Variants in PRKG1 observed in about 807,000 individuals in gnomAD.
The protein encoded by PRKG1 is protein kinase cGMP-dependent 1, also known as cGMP-dependent protein kinase 1.
Under a neutral mutation model 88.1 loss-of-function variants are expected in PRKG1, and 35 were observed. That is an observed-to-expected ratio of 0.40 (90% CI 0.30 to 0.53). The LOEUF is 0.53. PRKG1 is among the 20% of genes least tolerant of loss of function. The pLI is 0.59. For missense variants in PRKG1, 540 were observed against 839.8 expected (o/e 0.64, Z 4.41); for synonymous variants, 303 against 292.5 (o/e 1.04, Z -0.37).
At chr10:51,815,721 A>G (rs1839567596) in intron 4 of PRKG1, among the ~76,000 whole-genome samples, 1 of 152,186 alleles carries the variant, frequency 6.6e-6, no homozygotes, top group South Asian at 2.1e-4. Flanking sequence ...AAAGTTAATC[A>G]TAATTTATTT....
intron 5 of PRKG1, 68 bp downstream of exon 5, chr10:51,907,638 C>G (rs1842114887): frequency 7.3e-7 from 1 of 1,367,682 alleles, no homozygotes; most frequent in Non-Finnish European, 1.0e-6. Flanking sequence ...TCTTTCACAG[C>G]TGTGTGATGA....
At chr10:51,475,827 C>G (rs7895915) in intron 3 of PRKG1, among the ~76,000 whole-genome samples, 36,145 of 151,846 alleles carry the variant, frequency 0.24, 4,660 homozygotes, top group Admixed American at 0.32. Context: ...AACTTGATGG[C>G]TAGGATGTTG....
intron 5 of PRKG1, among the ~76,000 whole-genome samples, chr10:51,947,409 C>A (rs918362053): frequency 6.6e-6 from 1 of 152,186 alleles, no homozygotes; most frequent in Non-Finnish European, 1.5e-5. Context: ...TGACCCCTTG[C>A]ACTTCCCAAG....
At chr10:51,840,249 T>G (rs529167736) in intron 4 of PRKG1, among the ~76,000 whole-genome samples, 37 of 152,306 alleles carry the variant, frequency 2.4e-4, no homozygotes, top group African/African-American at 8.4e-4. Flanking sequence ...TGGATGATGT[T>G]AAGGATTTTT....
At chr10:51,554,476 T>C (rs887925906) in intron 3 of PRKG1, among the ~76,000 whole-genome samples, 1 of 149,868 alleles carries the variant, frequency 6.7e-6, no homozygotes, top group Non-Finnish European at 1.5e-5. Flanking sequence ...TTGTTTTAGT[T>C]TCTCTCTGCC....
At chr10:51,282,975 T>TTTGC (rs1279218504) in intron 2 of PRKG1, among the ~76,000 whole-genome samples, 1 of 152,156 alleles carries the variant, frequency 6.6e-6, no homozygotes, top group Non-Finnish European at 1.5e-5. Flanking sequence ...TCTCCCTTTA[T>TTTGC]TTGCTTTATG....
chr10:51,746,750 A>G (rs1406190383), intron 3 of PRKG1, among the ~76,000 whole-genome samples: 3 of 151,974 alleles, frequency 2.0e-5, no homozygotes, highest in African/African-American at 4.8e-5. Context: ...AAAGAAAAAA[A>G]GAAAAGAAAG....
chr10:51,042,712 G>A (rs1292691989), intron 1 of PRKG1, among the ~76,000 whole-genome samples: 2 of 152,134 alleles, frequency 1.3e-5, no homozygotes, highest in African/African-American at 4.8e-5. Flanking sequence ...GACTTGGGAT[G>A]GCTCTGCAGA....
At chr10:52,056,140 A>G (rs545647964) in intron 6 of PRKG1, among the ~76,000 whole-genome samples, 3 of 152,208 alleles carry the variant, frequency 2.0e-5, no homozygotes, top group Non-Finnish European at 4.4e-5. Flanking sequence ...AGTTAAAATT[A>G]TATCTTATAT....
intron 9 of PRKG1, among the ~76,000 whole-genome samples, chr10:52,227,251 G>A (rs1840410549): frequency 6.6e-6 from 1 of 152,042 alleles, no homozygotes; most frequent in South Asian, 2.1e-4. Flanking sequence ...CACCATCTAA[G>A]ATTATTTTTT....
intron 7 of PRKG1, among the ~76,000 whole-genome samples, chr10:52,129,587 A>G (rs564205404): frequency 7.9e-5 from 12 of 152,316 alleles, no homozygotes; most frequent in African/African-American, 2.6e-4. Flanking sequence ...AAGCACCTTA[A>G]TAATAGAAAT....
At chr10:51,225,906 A>T (rs937380099) in intron 2 of PRKG1, among the ~76,000 whole-genome samples, 3 of 152,156 alleles carry the variant, frequency 2.0e-5, no homozygotes, top group African/African-American at 7.2e-5. Flanking sequence ...TATTTAAGTA[A>T]TCAAAATTGA....
At chr10:52,008,451 G>C (rs1260033306) in intron 5 of PRKG1, among the ~76,000 whole-genome samples, 1 of 152,036 alleles carries the variant, frequency 6.6e-6, no homozygotes, top group Non-Finnish European at 1.5e-5. Context: ...CATTACCACT[G>C]ACCTCACAGA....
At chr10:52,118,978 C>A (rs930445072) in intron 7 of PRKG1, among the ~76,000 whole-genome samples, 1 of 152,044 alleles carries the variant, frequency 6.6e-6, no homozygotes, top group African/African-American at 2.4e-5. Flanking sequence ...GTTTTATACA[C>A]ATTTATTACA....
At chr10:52,234,037 C>T (rs1384871244) in intron 9 of PRKG1, among the ~76,000 whole-genome samples, 2 of 151,692 alleles carry the variant, frequency 1.3e-5, no homozygotes, top group Non-Finnish European at 1.5e-5. Context: ...CTGGGAGGCA[C>T]CCCCCAGCAG....
intron 7 of PRKG1, among the ~76,000 whole-genome samples, chr10:52,092,285 C>T (rs1168741593): frequency 6.6e-6 from 1 of 152,062 alleles, no homozygotes; most frequent in African/African-American, 2.4e-5. Context: ...TAACAGCCTA[C>T]CGACATACAC....
At chr10:51,425,218 A>G (rs956388224) in intron 2 of PRKG1, among the ~76,000 whole-genome samples, 3 of 152,234 alleles carry the variant, frequency 2.0e-5, no homozygotes, top group Non-Finnish European at 2.9e-5. Flanking sequence ...TAGTCTTTAT[A>G]GTAATCTCTT....
At chr10:52,043,171 A>G (rs1368379684) in intron 5 of PRKG1, among the ~76,000 whole-genome samples, 2 of 152,154 alleles carry the variant, frequency 1.3e-5, no homozygotes, top group Non-Finnish European at 2.9e-5. Context: ...GGTTCCTCAA[A>G]AAATTAGAAA....
intron 3 of PRKG1, among the ~76,000 whole-genome samples, chr10:51,631,466 G>A (rs1033907192): frequency 2.0e-5 from 3 of 152,172 alleles, no homozygotes; most frequent in Admixed American, 1.3e-4. Context: ...CAACCCACTT[G>A]CCACTATAAA....
Sources: allele counts gnomAD v4.1 joint callset (sites outside exome capture counted in the v4.1 genomes callset), GRCh38; gene constraint gnomAD v4.1.1; transcripts MANE v1.5; gene names NCBI Gene and HGNC (gene_info 2026-07-23, HGNC 2026-07-21).